The following INPP4B variants were observed in gnomAD, a reference collection of about 807,000 sequenced individuals.
INPP4B encodes the protein inositol polyphosphate-4-phosphatase type II B, also known as inositol polyphosphate 4-phosphatase type II.
In INPP4B, 55 loss-of-function variants were observed where a neutral mutation model predicts 122.5. That is an observed-to-expected ratio of 0.45 (90% CI 0.36 to 0.56). The LOEUF (loss-of-function observed/expected upper bound fraction) is 0.56, where lower values mean the gene tolerates loss of function less well. INPP4B is among the 20% of genes least tolerant of loss of function. INPP4B has a pLI of 0.00. For synonymous variants in INPP4B, 403 were observed against 388.7 expected (o/e 1.04, Z -0.43); for missense variants, 1,000 against 1,097.7 (o/e 0.91, Z 1.26).
chr4:142,392,123 T>C (rs763428510), intron 7 of INPP4B, among the ~76,000 whole-genome samples: 2 of 152,192 alleles, frequency 1.3e-5, no homozygotes, highest in South Asian at 4.1e-4. Context: ...ACTTCAGGAC[T>C]GTGAACCTTG....
chr4:142,824,428 G>A lies in INPP4B; in HGVS notation c.-254+21781C>T, dbSNP rs547034194. On this transcript the variant is annotated intron_variant, in intron 1 of 25. Transcript: ENST00000262992. ...CCACCTTGTCATCCTCTAAATCATCGTGGCTCTAAAACATTCTATAACAGG... is the reference window on the plus strand; with the variant it reads ...CCACCTTGTCATCCTCTAAATCATCATGGCTCTAAAACATTCTATAACAGG... Among the ~76,000 whole-genome samples the A allele has an allele frequency of 5.3e-5, 8 of 151,882 alleles. No homozygotes were observed. The South Asian group carries it at 6.2e-4, about 12-fold the overall frequency.
chr4:142,661,922 G>A (rs549517575), intron 2 of INPP4B, among the ~76,000 whole-genome samples: 1 of 152,268 alleles, frequency 6.6e-6, no homozygotes, highest in African/African-American at 2.4e-5. Context: ...GGACCCTAAA[G>A]CATAATTGGT....
chr4:142,396,685 CAAAAACCGGAAGCAACAT>C (rs559260138), intron 7 of INPP4B, among the ~76,000 whole-genome samples: 44 of 151,932 alleles, frequency 2.9e-4, no homozygotes, highest in Non-Finnish European at 5.7e-4. Context: ...TCATCATTGT[CAAAAACCGGAAGCAACAT>C]AAATGTCCAT....
At chr4:142,357,098 T>G (rs548018423) in intron 7 of INPP4B, among the ~76,000 whole-genome samples, 1 of 152,172 alleles carries the variant, frequency 6.6e-6, no homozygotes, top group African/African-American at 2.4e-5. Flanking sequence ...AGCTGTATCC[T>G]TTAAAATATC....
At chr4:142,778,044 A>G (rs1203001295) in intron 1 of INPP4B, among the ~76,000 whole-genome samples, 1 of 152,184 alleles carries the variant, frequency 6.6e-6, no homozygotes, top group Non-Finnish European at 1.5e-5. Flanking sequence ...AGGTCTCAAA[A>G]TCATGAGGCC....
intron 1 of INPP4B, among the ~76,000 whole-genome samples, chr4:142,838,209 TGAAA>T (rs1219087573): frequency 6.6e-6 from 1 of 152,020 alleles, no homozygotes; most frequent in African/African-American, 2.4e-5. Flanking sequence ...TAAACTTATA[TGAAA>T]GAATCACACA....
At chr4:142,065,234 AACACACAC>A (rs36228246) in intron 25 of INPP4B, among the ~76,000 whole-genome samples, 4,844 of 148,828 alleles carry the variant, frequency 0.033, 182 homozygotes, top group African/African-American at 0.085. Context: ...GAATGAGGCC[AACACACAC>A]ACACACACAC....
intron 11 of INPP4B, among the ~76,000 whole-genome samples, chr4:142,246,080 TTATATATATGTGTGTGTGTATAC>T (rs1728575386): frequency 7.8e-6 from 1 of 128,366 alleles, no homozygotes; most frequent in Non-Finnish European, 1.6e-5. Flanking sequence ...TATACACACA[TTATATATATGTGTGTGTGTATAC>T]ACACATATAT....
chr4:142,801,101 T>A (rs1286914184), intron 1 of INPP4B, among the ~76,000 whole-genome samples: 8 of 147,312 alleles, frequency 5.4e-5, no homozygotes, highest in Admixed American at 1.4e-4. Context: ...GAAAAAAAAA[T>A]GGAGTATGAA....
At chr4:142,454,953 G>A (rs1391355122) in intron 3 of INPP4B, among the ~76,000 whole-genome samples, 1 of 151,970 alleles carries the variant, frequency 6.6e-6, no homozygotes, top group African/African-American at 2.4e-5. Flanking sequence ...TTAAAATTTG[G>A]AGAAGTTAAC....
rs3836670 is a variant in INPP4B at position 142,088,504 on chromosome 4, TTG to T, written c.2375-2250_2375-2249del. 2.5e-4 allele frequency among the ~76,000 whole-genome samples: 37 copies of T among 150,946 alleles called. No individual in the cohort carries two copies. In the East Asian group the frequency reaches 3.5e-3, roughly 14 times the overall value. The stretch of plus-strand genomic sequence containing the variant: ...AACTTATTTGTGTAACAATGTGTGC[TTG>T]TGTGTGTGTGTGTGCACGTGCACAT... On this transcript the variant is annotated intron_variant, in intron 23 of 25. Transcript: ENST00000262992.
chr4:142,261,925 A>C (rs1448363082), intron 10 of INPP4B, among the ~76,000 whole-genome samples: 1 of 152,186 alleles, frequency 6.6e-6, no homozygotes. Flanking sequence ...GACTGAAAGA[A>C]TGAATGACTG....
chr4:142,468,966 A>C (rs1239385892), intron 2 of INPP4B, among the ~76,000 whole-genome samples: 1 of 152,202 alleles, frequency 6.6e-6, no homozygotes, highest in Non-Finnish European at 1.5e-5. Flanking sequence ...AGCTACTAGA[A>C]TCTAGATTAA....
chr4:142,479,360 G>T (rs1820206193), intron 2 of INPP4B, among the ~76,000 whole-genome samples: 1 of 152,164 alleles, frequency 6.6e-6, no homozygotes, highest in Non-Finnish European at 1.5e-5. Context: ...GACACTGCTG[G>T]TGGGAATGTA....
chr4:142,687,622 A>G (rs1013443793), intron 2 of INPP4B, among the ~76,000 whole-genome samples: 8 of 151,662 alleles, frequency 5.3e-5, no homozygotes, highest in Non-Finnish European at 7.4e-5. Context: ...TAGCCCAGGT[A>G]ATGTGAGTTG....
intron 2 of INPP4B, among the ~76,000 whole-genome samples, chr4:142,481,210 C>T (rs1007033918): frequency 1.4e-5 from 2 of 147,400 alleles, no homozygotes; most frequent in Non-Finnish European, 3.0e-5. Flanking sequence ...AGTGAGAGAA[C>T]AGTAGGGGAA....
chr4:142,597,179 C>G (rs796800327), intron 2 of INPP4B, among the ~76,000 whole-genome samples: 1 of 152,192 alleles, frequency 6.6e-6, no homozygotes, highest in Non-Finnish European at 1.5e-5. Flanking sequence ...GACTATCTTA[C>G]CCCCGGAACT....
chr4:142,649,339 C>T (rs1380865608), intron 2 of INPP4B, among the ~76,000 whole-genome samples: 1 of 152,152 alleles, frequency 6.6e-6, no homozygotes, highest in African/African-American at 2.4e-5. Context: ...AGCTCCTTGC[C>T]AGCAATGGAA....
chr4:142,413,560 A>G (rs1805052422), intron 5 of INPP4B, among the ~76,000 whole-genome samples: 1 of 152,166 alleles, frequency 6.6e-6, no homozygotes, highest in Admixed American at 6.5e-5. Flanking sequence ...TAATACATAA[A>G]ACATGCAAAG....
Sources: gnomAD v4.1 joint callset for allele counts (sites outside exome capture counted in the v4.1 genomes callset) on GRCh38, gnomAD v4.1.1 for gene constraint, MANE v1.5 for transcripts, NCBI Gene and HGNC (gene_info 2026-07-23, HGNC 2026-07-21) for gene names.